MTHFD1L: variants seen among roughly 807,000 people sequenced by gnomAD.
MTHFD1L encodes the protein methylenetetrahydrofolate dehydrogenase (NADP+ dependent) 1 like.
MTHFD1L carries 81 observed loss-of-function variants against 119.5 expected under a neutral mutation model. The ratio of observed to expected loss-of-function variants is 0.68; its 90% CI spans 0.57 to 0.82. The LOEUF (loss-of-function observed/expected upper bound fraction) is 0.82, where lower values mean the gene tolerates loss of function less well. Ranked by LOEUF, MTHFD1L falls within the 40% of genes least tolerant of loss-of-function variation. MTHFD1L has a pLI of 0.00. For synonymous variants in MTHFD1L, 430 were observed against 475.2 expected, an observed-to-expected ratio of 0.90 and a Z score of 1.24; for missense variants, 1,125 against 1,253.4, an observed-to-expected ratio of 0.90 and a Z score of 1.55.
chr6:150,984,086 T>G (rs1489266073), intron 20 of MTHFD1L, among the ~76,000 whole-genome samples: 2 of 152,374 alleles, frequency 1.3e-5, no homozygotes, highest in East Asian at 3.9e-4. Flanking sequence ...GATTTAATTT[T>G]ATGGTCAAAT....
chr6:150,898,991 A>G, intron 7 of MTHFD1L: 4 of 1,022,512 alleles, frequency 3.9e-6, no homozygotes, highest in East Asian at 1.1e-4. Flanking sequence ...AAGTATATCC[A>G]TTCCCAGAAT....
intron 15 of MTHFD1L, 89 bp from the exon 16 acceptor site, chr6:150,948,942 G>A: frequency 8.9e-7 from 1 of 1,118,112 alleles, no homozygotes; most frequent in Non-Finnish European, 1.3e-6. Context: ...ACCAATCATG[G>A]AGAAAATAAA....
intron 27 of MTHFD1L, among the ~76,000 whole-genome samples, chr6:151,101,007 A>C (rs1401877351): frequency 2.6e-5 from 4 of 151,952 alleles, no homozygotes; most frequent in African/African-American, 9.7e-5. Context: ...AAAAATACAA[A>C]AATTAGCCGG....
At chr6:150,963,581 C>T (rs1796768001) in intron 18 of MTHFD1L, among the ~76,000 whole-genome samples, 1 of 152,154 alleles carries the variant, frequency 6.6e-6, no homozygotes, top group Admixed American at 6.5e-5. Flanking sequence ...AAACCAATCA[C>T]ATGAGAGAAA....
chr6:151,057,769 G>A (rs190319357), intron 26 of MTHFD1L, among the ~76,000 whole-genome samples: 80 of 152,166 alleles, frequency 5.3e-4, no homozygotes, highest in African/African-American at 1.7e-3. Context: ...GAGGAGAGCC[G>A]TATGCATGAC....
Position 151,073,266 on chromosome 6 carries a change from G to A in MTHFD1L, c.2848-19201G>A, listed in dbSNP as rs149873870. On this transcript the variant is annotated intron_variant, in intron 26 of 27. Transcript: ENST00000367321. Reference sequence around the variant, plus strand: ...CATGCAAGTGCGTACTGATCAAAGTGTGGTTGTGAGAAAACTACCCATCAC... The same window carrying A: ...CATGCAAGTGCGTACTGATCAAAGTATGGTTGTGAGAAAACTACCCATCAC... 1.8e-3 allele frequency among the ~76,000 whole-genome samples: 280 copies of A among 152,320 alleles called. 2 individuals are homozygous for A. The highest frequency in any genetic ancestry group is 6.2e-3 in the African/African-American group (259 of 41,576).
chr6:151,034,449 C>T (rs763614911), intron 24 of MTHFD1L, 44 bp from the exon 25 acceptor site: 35 of 1,330,646 alleles, frequency 2.6e-5, no homozygotes, highest in Admixed American at 3.6e-5. Context: ...AATCTTTAAC[C>T]AGATTAAACT....
chr6:150,956,035 C>T lies in MTHFD1L; in HGVS notation c.1767C>T (p.Ile589=), dbSNP rs113806279. The change falls in exon 17 of 28, where the codon ATC becomes ATT. Residue 589 remains isoleucine (I), a synonymous_variant. Coordinates refer to ENST00000367321, the MANE Select transcript of MTHFD1L (RefSeq NM_015440.5). ...ACCGATTTCTACGAAAAATAACCAT[C>T]GGGCAGGGAAACACAGAGAAGGGCC... The part of the protein sequence containing the change: ...TNDRFLRKIT[I]GQGNTEKGHY... The T allele has an allele frequency of 4.8e-5, 78 of 1,614,094 alleles. No homozygotes were observed. The Middle Eastern group carries it at 6.6e-4, about 14-fold the overall frequency.
chr6:150,961,830 A>G (rs1472506759), intron 18 of MTHFD1L, among the ~76,000 whole-genome samples: 3 of 152,184 alleles, frequency 2.0e-5, no homozygotes, highest in African/African-American at 7.2e-5. Flanking sequence ...TAAAATTACC[A>G]AAATCTCACT....
chr6:150,972,881 C>T (rs1233304974), intron 20 of MTHFD1L, among the ~76,000 whole-genome samples: 3 of 152,172 alleles, frequency 2.0e-5, no homozygotes, highest in Non-Finnish European at 2.9e-5. Flanking sequence ...AAGTTCTTTG[C>T]AGAACCTGTT....
intron 10 of MTHFD1L, among the ~76,000 whole-genome samples, chr6:150,923,533 A>ATTTATTTATTTATTTATTTATTTT (rs1411950846): frequency 1.9e-4 from 19 of 100,716 alleles, no homozygotes; most frequent in South Asian, 3.0e-4. Flanking sequence ...TTATTTATTT[A>ATTTATTTATTTATTTATTTATTTT]TTTATTTTTT....
At chr6:150,931,836 T>C (rs963858588) in intron 11 of MTHFD1L, among the ~76,000 whole-genome samples, 3 of 152,192 alleles carry the variant, frequency 2.0e-5, no homozygotes, top group Non-Finnish European at 4.4e-5. Context: ...GTTTTTACTG[T>C]AACTGCCAAT....
chr6:151,098,681 T>G (rs1415007247), intron 27 of MTHFD1L, among the ~76,000 whole-genome samples: 5 of 152,238 alleles, frequency 3.3e-5, no homozygotes, highest in African/African-American at 1.2e-4. Flanking sequence ...CTTATTCCCA[T>G]GCCAGAATAG....
chr6:150,957,135 T>C (rs969723089), intron 17 of MTHFD1L, among the ~76,000 whole-genome samples: 4 of 152,230 alleles, frequency 2.6e-5, no homozygotes, highest in Admixed American at 2.6e-4. Context: ...GCAGAGGTTA[T>C]TCCCCTTTTT....
chr6:150,933,164 G>C (rs1267513646), intron 11 of MTHFD1L, among the ~76,000 whole-genome samples: 1 of 152,134 alleles, frequency 6.6e-6, no homozygotes, highest in East Asian at 1.9e-4. Flanking sequence ...GAATTGGATG[G>C]TTAGCTGGAG....
At chr6:150,899,221 T>G (rs896256675) in intron 7 of MTHFD1L, among the ~76,000 whole-genome samples, 4 of 152,214 alleles carry the variant, frequency 2.6e-5, no homozygotes, top group African/African-American at 9.6e-5. Flanking sequence ...GGGGAAAAGT[T>G]TGGTAGAAAA....
At chr6:150,893,263 C>T (rs1783649603) in intron 7 of MTHFD1L, among the ~76,000 whole-genome samples, 1 of 152,070 alleles carries the variant, frequency 6.6e-6, no homozygotes, top group Non-Finnish European at 1.5e-5. Flanking sequence ...TGGAGTTTCG[C>T]CATGTTGGCC....
intron 26 of MTHFD1L, among the ~76,000 whole-genome samples, chr6:151,081,737 C>T (rs1417741839): frequency 6.6e-6 from 1 of 152,120 alleles, no homozygotes. Context: ...AGGAGCTTTC[C>T]CAGGGTCGGA....
chr6:150,960,533 C>CCA, intron 18 of MTHFD1L, 118 bp downstream of exon 18: 1 of 1,311,414 alleles, frequency 7.6e-7, no homozygotes, highest in Non-Finnish European at 1.0e-6. Flanking sequence ...GAAAAAGTTT[C>CCA]CACACACACA....
Sources: allele counts gnomAD v4.1 joint callset (sites outside exome capture counted in the v4.1 genomes callset), GRCh38; gene constraint gnomAD v4.1.1; transcripts MANE v1.5; gene names NCBI Gene and HGNC (gene_info 2026-07-23, HGNC 2026-07-21).